Variants in DDC observed in about 807,000 individuals in gnomAD.
DDC encodes the protein aromatic-L-amino-acid decarboxylase.
Under a neutral mutation model 60.0 loss-of-function variants are expected in DDC, and 43 were observed. The ratio of observed to expected loss-of-function variants is 0.72; its 90% confidence interval spans 0.56 to 0.92. The LOEUF (loss-of-function observed/expected upper bound fraction) is 0.92. DDC is among the 40% of genes least tolerant of loss of function. The probability of loss-of-function intolerance (pLI) is 0.00; values close to 1 mark genes in which losing one functional copy is unlikely to be tolerated. For synonymous variants in DDC, 232 were observed against 234.6 expected (o/e 0.99, Z 0.10); for missense variants, 573 against 620.2 (o/e 0.92, Z 0.81).
At chr7:50,469,258 A>ATT (rs2042475364) in intron 12 of DDC, among the ~76,000 whole-genome samples, 1 of 90,886 alleles carries the variant, frequency 1.1e-5, no homozygotes. Flanking sequence ...GTTATTTTAA[A>ATT]AAAAAAAAAA....
chr7:50,561,847 A>T (rs920625086), intron 1 of DDC, among the ~76,000 whole-genome samples: 7 of 152,062 alleles, frequency 4.6e-5, no homozygotes, highest in African/African-American at 1.7e-4. Flanking sequence ...CCCTGCCCCG[A>T]CCACACACAC....
chr7:50,533,154 T>C (rs2044273972), intron 4 of DDC, among the ~76,000 whole-genome samples: 4 of 152,166 alleles, frequency 2.6e-5, no homozygotes, highest in Non-Finnish European at 5.9e-5. Context: ...ATGCAGAAAA[T>C]CCATATGCGT....
At chr7:50,476,742 T>G in intron 10 of DDC, 99 bp from the exon 11 acceptor site, 1 of 1,168,988 alleles carries the variant, frequency 8.6e-7, no homozygotes. Flanking sequence ...TCTTGTGTCT[T>G]CTAAGCCAGA....
intron 12 of DDC, among the ~76,000 whole-genome samples, chr7:50,468,918 A>T (rs1585139004): frequency 6.9e-6 from 1 of 144,570 alleles, no homozygotes; most frequent in Admixed American, 7.1e-5. Flanking sequence ...CATATTCAGG[A>T]CTCAGTTTCC....
chr7:50,468,285 G>A (rs183502765), intron 12 of DDC, among the ~76,000 whole-genome samples: 1 of 152,396 alleles, frequency 6.6e-6, no homozygotes, highest in East Asian at 1.9e-4. Context: ...AGCATCGCTG[G>A]ACTCTGCTCC....
chr7:50,560,987 G>A (rs1416628745), intron 1 of DDC: 1 of 152,154 alleles, frequency 6.6e-6, no homozygotes, highest in East Asian at 1.9e-4. Context: ...GGACGCGTGA[G>A]CCATGAGGAC....
chr7:50,476,553 G>A (rs2042648450), intron 11 of DDC, 71 bp downstream of exon 11: 2 of 1,323,928 alleles, frequency 1.5e-6, no homozygotes, highest in Non-Finnish European at 2.1e-6. Context: ...GGGAGGAGAT[G>A]TGTGACAGCT....
At chr7:50,513,251 G>A (rs775473636) in intron 6 of DDC, among the ~76,000 whole-genome samples, 2 of 152,296 alleles carry the variant, frequency 1.3e-5, no homozygotes, top group East Asian at 1.9e-4. Flanking sequence ...AGAAGTTTCC[G>A]ACTTTACCTG....
intron 1 of DDC, among the ~76,000 whole-genome samples, chr7:50,555,116 A>G (rs1259259963): frequency 6.6e-6 from 1 of 152,156 alleles, no homozygotes; most frequent in Non-Finnish European, 1.5e-5. Context: ...AGCTGCCACC[A>G]GGTCAGGCTT....
At chr7:50,516,206 A>T in intron 6 of DDC, among the ~76,000 whole-genome samples, 1 of 152,212 alleles carries the variant, frequency 6.6e-6, no homozygotes, top group East Asian at 1.9e-4. Flanking sequence ...AACTTAAGAA[A>T]ACTGAAATTA....
At chr7:50,547,548 C>A (rs964137391) in intron 1 of DDC, among the ~76,000 whole-genome samples, 1 of 152,162 alleles carries the variant, frequency 6.6e-6, no homozygotes, top group Non-Finnish European at 1.5e-5. Context: ...TGATTTCTCA[C>A]AAGTATTTCA....
chr7:50,540,309 G>A (rs1282437810), intron 2 of DDC, among the ~76,000 whole-genome samples: 1 of 152,160 alleles, frequency 6.6e-6, no homozygotes, highest in Non-Finnish European at 1.5e-5. Context: ...CCAAAATAAA[G>A]TGGAAAATCC....
At chr7:50,488,110 CT>C (rs1428928004) in intron 9 of DDC, among the ~76,000 whole-genome samples, 1 of 152,054 alleles carries the variant, frequency 6.6e-6, no homozygotes, top group African/African-American at 2.4e-5. Context: ...AGGGAAATAA[CT>C]TTAAATGATG....
intron 9 of DDC, 91 bp downstream of exon 9, chr7:50,495,259 T>C (rs760786570): frequency 1.3e-5 from 12 of 898,098 alleles, no homozygotes; most frequent in Non-Finnish European, 2.1e-5. Flanking sequence ...TAAGTGACTA[T>C]TGCACCCCTT....
chr7:50,494,989 C>T (rs1040373591), intron 9 of DDC, among the ~76,000 whole-genome samples: 3 of 152,098 alleles, frequency 2.0e-5, no homozygotes, highest in African/African-American at 7.2e-5. Flanking sequence ...AGCATTTGGA[C>T]TCAGATTGCT....
intron 2 of DDC, chr7:50,543,085 G>T (rs1585267302): frequency 6.5e-6 from 1 of 152,726 alleles, no homozygotes; most frequent in African/African-American, 2.4e-5. Context: ...AGCCCACGGA[G>T]ATTTTCCCTG....
At chr7:50,520,287 C>T (rs1373985429) in intron 6 of DDC, among the ~76,000 whole-genome samples, 3 of 152,172 alleles carry the variant, frequency 2.0e-5, no homozygotes, top group Admixed American at 6.5e-5. Flanking sequence ...CCATAAAATA[C>T]ATCTCAACAA....
intron 14 of DDC, among the ~76,000 whole-genome samples, chr7:50,461,887 C>A (rs2042281896): frequency 6.6e-6 from 1 of 152,108 alleles, no homozygotes; most frequent in South Asian, 2.1e-4. Context: ...CTGGTTGCAC[C>A]AGGGAAAGGA....
At chr7:50,538,038 C>G in intron 3 of DDC, 59 bp from the exon 4 acceptor site, 1 of 1,607,720 alleles carries the variant, frequency 6.2e-7, no homozygotes, top group South Asian at 1.1e-5. Context: ...ATTTGGGGGT[C>G]AGCAGTAACA....
Sources: gnomAD v4.1 joint callset for allele counts (sites outside exome capture counted in the v4.1 genomes callset) on GRCh38, gnomAD v4.1.1 for gene constraint, MANE v1.5 for transcripts, NCBI Gene and HGNC (gene_info 2026-07-23, HGNC 2026-07-21) for gene names.